DMD: variants seen among roughly 807,000 people sequenced by gnomAD.
The protein encoded by DMD is mutant dystrophin.
Under a neutral mutation model 330.1 loss-of-function variants are expected in DMD, and 63 were observed. The observed-to-expected ratio is 0.19, with a 90% CI of 0.16 to 0.24. The LOEUF is 0.24. DMD is among the 10% of genes least tolerant of loss of function. DMD has a pLI of 1.00. For missense variants in DMD, 3,344 were observed against 2,684.1 expected (o/e 1.25, Z -5.43); for synonymous variants, 1,223 against 959.8 (o/e 1.27, Z -5.07).
Position 32,090,820 on chromosome X carries a change from C to T in DMD, c.6439-122306G>A, listed in dbSNP as rs781143079. Among the ~76,000 whole-genome samples, 5 of 110,675 alleles carry T rather than the reference C, an allele frequency of 4.5e-5. No homozygotes were observed. The South Asian group carries it at 1.1e-3, about 25-fold the overall frequency. ...GGTGAGCCAACCCAATGCTGAGGGA[C>T]AGACCCTGGTTAAAGGAGATGCTTC... On this transcript the variant is annotated intron_variant, in intron 44 of 78. Transcript: ENST00000357033.
Position 32,348,491 on chromosome X carries a change from G to A in DMD, c.5363C>T (p.Ser1788Leu), listed in dbSNP as rs199774535. The change falls in exon 38 of 79, where the codon TCA becomes TTA. Residue 1788 changes from serine (S) to leucine (L), a missense_variant. Physicochemically the swap from Ser to Leu is moderately radical, Grantham distance 145. Coordinates refer to ENST00000357033, the MANE Select transcript of DMD (RefSeq NM_004006.3). ...IPLKELEQFN[S>L]DIQKLLEPLE... ...TGGTTCAAGCAATTTTTGTATATCT[G>A]AGTTAAACTGCTCCAATTCCTTCAA... is the stretch of plus-strand genomic sequence containing the variant. The A allele has an allele frequency of 8.3e-7, 1 of 1,204,340 alleles. No individual in the cohort carries two copies. The highest frequency in any genetic ancestry group is 1.1e-6 in the Non-Finnish European group (1 of 891,308).
At chrX:31,508,275 T>C (rs2071153290) in intron 55 of DMD, 3 of 1,198,552 alleles carry the variant, frequency 2.5e-6, no homozygotes, top group South Asian at 1.8e-5. Flanking sequence ...CTGATCCTGT[T>C]GCATAGCAAT....
chrX:32,196,856 A>G (rs975138040), intron 44 of DMD, among the ~76,000 whole-genome samples: 43 of 108,803 alleles, frequency 4.0e-4, no homozygotes, highest in Middle Eastern at 4.7e-3. Flanking sequence ...CGTGGTAGCC[A>G]GCGCCTGTAG....
At chrX:32,955,815 T>G (rs1351444169) in intron 2 of DMD, among the ~76,000 whole-genome samples, 1 of 111,955 alleles carries the variant, frequency 8.9e-6, no homozygotes, top group Non-Finnish European at 1.9e-5. Context: ...CATTGCTTGT[T>G]TTTGTCAGCT....
At chrX:32,845,067 C>G (rs1204632339) in intron 3 of DMD, among the ~76,000 whole-genome samples, 4 of 112,020 alleles carry the variant, frequency 3.6e-5, no homozygotes, top group Non-Finnish European at 7.5e-5. Flanking sequence ...CTAAGAATGG[C>G]AACACTTTTT....
chrX:32,017,607 A>G (rs746402996), intron 44 of DMD, among the ~76,000 whole-genome samples: 9 of 111,857 alleles, frequency 8.0e-5, no homozygotes, highest in Non-Finnish European at 1.5e-4. Context: ...CGGTGAGTCT[A>G]GCATGTGGGA....
Position 33,206,832 on chromosome X carries a change from G to C in DMD, c.31+4450C>G, listed in dbSNP as rs182532364. Among the ~76,000 whole-genome samples the C allele has an allele frequency of 3.3e-3, 365 of 110,725 alleles. 1 individual carries two copies. Among genetic ancestry groups the C allele is most frequent in the African/African-American group, 0.012 (353 of 30,340 alleles). On this transcript the variant is annotated intron_variant, in intron 1 of 78. Coordinates refer to ENST00000357033, the MANE Select transcript of DMD (RefSeq NM_004006.3). ...GTGTTTTTAATGGGAATGAGGTAGA[G>C]GTTGTATGGCCGTGAGATGAGGACT...
At chrX:32,732,242 C>T (rs755850296) in intron 7 of DMD, among the ~76,000 whole-genome samples, 15 of 110,724 alleles carry the variant, frequency 1.4e-4, no homozygotes, top group African/African-American at 4.6e-4. Flanking sequence ...AGCAAAGCCT[C>T]CAAGAAATAT....
chrX:32,240,502 G>A (rs186485639), intron 43 of DMD, among the ~76,000 whole-genome samples: 3 of 111,473 alleles, frequency 2.7e-5, no homozygotes, highest in African/African-American at 3.3e-5. Context: ...CCAGAACGGT[G>A]AGAAATAAAG....
intron 38 of DMD, 130 bp from the exon 39 acceptor site, chrX:32,346,210 A>G: frequency 1.4e-6 from 1 of 716,788 alleles, no homozygotes; most frequent in African/African-American, 2.1e-5. Context: ...GAATGCTATT[A>G]TAAGATACTG....
At chrX:32,230,749 C>T (rs189579587) in intron 43 of DMD, among the ~76,000 whole-genome samples, 53 of 111,563 alleles carry the variant, frequency 4.8e-4, no homozygotes, top group African/African-American at 1.6e-3. Context: ...TCAGAGTTCT[C>T]ATTTGTGAAA....
intron 2 of DMD, among the ~76,000 whole-genome samples, chrX:32,958,966 G>C (rs1440337205): frequency 2.7e-5 from 3 of 109,348 alleles, no homozygotes; most frequent in Non-Finnish European, 5.7e-5. Flanking sequence ...TTTTTGGGGG[G>C]GGATGAGGGG....
chrX:32,909,131 G>A (rs1365727396), intron 2 of DMD, among the ~76,000 whole-genome samples: 1 of 83,325 alleles, frequency 1.2e-5, no homozygotes, highest in Non-Finnish European at 2.3e-5. Context: ...AAAGGATTAT[G>A]TAGTCTTGTC....
chrX:31,425,695 T>TACACACACACACAC (rs58343053), intron 60 of DMD, among the ~76,000 whole-genome samples: 3 of 103,590 alleles, frequency 2.9e-5, no homozygotes, highest in East Asian at 3.2e-4. Flanking sequence ...CAGGCATGAG[T>TACACACACACACAC]ACACACACAC....
chrX:31,131,350 G>A (rs2034461814), intron 77 of DMD, among the ~76,000 whole-genome samples: 1 of 111,672 alleles, frequency 9.0e-6, no homozygotes, highest in Non-Finnish European at 1.9e-5. Flanking sequence ...TAGTATGGAA[G>A]GCATCACTTG....
intron 2 of DMD, among the ~76,000 whole-genome samples, chrX:33,009,081 T>C (rs2093488866): frequency 2.6e-5 from 1 of 38,391 alleles, no homozygotes; most frequent in Non-Finnish European, 6.6e-5. Context: ...TATACATATA[T>C]GTGTATATAT....
chrX:32,166,055 C>T (rs769211237), intron 44 of DMD, among the ~76,000 whole-genome samples: 62 of 111,255 alleles, frequency 5.6e-4, no homozygotes, highest in African/African-American at 1.9e-3. Context: ...TACCCAATCT[C>T]GGGCAGTTCT....
At chrX:32,139,064 G>A (rs1027301101) in intron 44 of DMD, among the ~76,000 whole-genome samples, 5 of 111,840 alleles carry the variant, frequency 4.5e-5, no homozygotes, top group African/African-American at 6.5e-5. Context: ...CTGGAAAATC[G>A]GAGACGATTA....
rs1569547987 is a variant in DMD, at chrX:31,507,366, A to G, written c.8305T>C (p.Ser2769Pro). 8.3e-7 allele frequency: 1 copy of G among 1,211,444 alleles called. No homozygotes were observed. The highest frequency in any genetic ancestry group is 1.1e-6 in the Non-Finnish European group (1 of 895,224). ...SQKILRSLEG[S>P]DDAVLLQRRL... is the part of the protein sequence containing the mutation. ...CTTTGTAACAGGACTGCATCATCGG[A>G]ACCTTCCAGGGATCTCAGGATTTTT... The change falls in exon 56 of 79, where the codon TCC (serine) becomes CCC (proline). Residue 2769 changes from serine (S) to proline (P), a missense_variant. Ser to Pro is a moderately conservative substitution (Grantham distance 74, BLOSUM62 -1). Transcript: ENST00000357033.
Sources: gnomAD v4.1 joint callset for allele counts (sites outside exome capture counted in the v4.1 genomes callset) on GRCh38, gnomAD v4.1.1 for gene constraint, MANE v1.5 for transcripts, NCBI Gene and HGNC (gene_info 2026-07-23, HGNC 2026-07-21) for gene names.